Variants in PTPRD observed in about 807,000 individuals in gnomAD.
PTPRD encodes protein tyrosine phosphatase receptor type D, also known as receptor-type tyrosine-protein phosphatase delta.
PTPRD carries 34 observed loss-of-function variants against 214.5 expected under a neutral mutation model. The observed-to-expected ratio is 0.16, with a 90% CI of 0.12 to 0.21. PTPRD has a LOEUF of 0.21. PTPRD is among the 10% of genes least tolerant of loss of function. PTPRD has a pLI of 1.00. For synonymous variants in PTPRD, 1,128 were observed against 845.7 expected, an observed-to-expected ratio of 1.33 and a Z score of -5.79; for missense variants, 2,545 against 2,398.7, an observed-to-expected ratio of 1.06 and a Z score of -1.27.
chr9:10,277,880 C>A (rs1030176433), intron 3 of PTPRD, among the ~76,000 whole-genome samples: 2 of 152,116 alleles, frequency 1.3e-5, no homozygotes, highest in African/African-American at 4.8e-5. Context: ...GCTTTGAGGC[C>A]GGGCTCGGTG....
At position 8,321,477 on chromosome 9, in the gene PTPRD, GTGTGTGTGTGTATATATATATATA is replaced by G. The variant is rs1163537190; in HGVS notation, c.5535-1535_5535-1512del. Among the ~76,000 whole-genome samples the G allele has an allele frequency of 9.3e-3, 703 of 75,382 alleles. 31 individuals carry two copies. Among genetic ancestry groups the G allele is most frequent in the African/African-American group, 0.038 (648 of 17,212 alleles). 49.5% of individuals were successfully genotyped at this position (75,382 alleles called of 152,430 possible). ...AAGTCTTCTTTGTGTGTGTGTGTGT[GTGTGTGTGTGTATATATATATATA>G]TATATATATATATATATATATATAT... is the stretch of plus-strand genomic sequence containing the variant. On this transcript the variant is annotated intron_variant, in intron 44 of 45. Transcript: ENST00000381196.
At chr9:9,618,393 A>G (rs528662714) in intron 7 of PTPRD, among the ~76,000 whole-genome samples, 2 of 152,178 alleles carry the variant, frequency 1.3e-5, no homozygotes, top group South Asian at 4.1e-4. Flanking sequence ...TTAAGAAAAA[A>G]AAAACAATAA....
At chr9:9,434,671 TAGAC>T (rs1459855364) in intron 8 of PTPRD, among the ~76,000 whole-genome samples, 5 of 151,524 alleles carry the variant, frequency 3.3e-5, no homozygotes, top group East Asian at 1.9e-4. Context: ...GGCATAAAAA[TAGAC>T]AGACCAATAG....
At chr9:9,622,623 T>G (rs1335510875) in intron 7 of PTPRD, among the ~76,000 whole-genome samples, 4 of 152,198 alleles carry the variant, frequency 2.6e-5, no homozygotes, top group African/African-American at 9.7e-5. Context: ...ATCATGTAAG[T>G]TCTGATCATT....
At chr9:9,816,180 TC>T (rs1404510183) in intron 5 of PTPRD, among the ~76,000 whole-genome samples, 1 of 152,166 alleles carries the variant, frequency 6.6e-6, no homozygotes, top group Non-Finnish European at 1.5e-5. Flanking sequence ...ATATTTGTTT[TC>T]TTGGCTAGTC....
At chr9:10,151,883 T>A (rs908287128) in intron 3 of PTPRD, among the ~76,000 whole-genome samples, 2 of 152,182 alleles carry the variant, frequency 1.3e-5, no homozygotes, top group Admixed American at 1.3e-4. Flanking sequence ...CTATGTTGTG[T>A]GTATCAATAA....
intron 12 of PTPRD, among the ~76,000 whole-genome samples, chr9:8,662,074 A>G (rs2097068514): frequency 6.6e-6 from 1 of 152,150 alleles, no homozygotes; most frequent in African/African-American, 2.4e-5. Flanking sequence ...ATACCACCAG[A>G]GCCAACTTTT....
At chr9:9,969,282 A>G (rs1451773128) in intron 4 of PTPRD, among the ~76,000 whole-genome samples, 1 of 152,152 alleles carries the variant, frequency 6.6e-6, no homozygotes, top group Non-Finnish European at 1.5e-5. Context: ...TGGGAGATGA[A>G]GCTGAACACT....
intron 11 of PTPRD, among the ~76,000 whole-genome samples, chr9:8,740,365 C>G (rs1387819486): frequency 6.6e-6 from 1 of 152,148 alleles, no homozygotes; most frequent in Non-Finnish European, 1.5e-5. Flanking sequence ...ACATAAAGGA[C>G]AAGCATACTT....
intron 2 of PTPRD, among the ~76,000 whole-genome samples, chr9:10,457,137 A>C (rs1038323009): frequency 6.6e-6 from 1 of 151,904 alleles, no homozygotes; most frequent in Admixed American, 6.6e-5. Context: ...TGACGTGCAC[A>C]TATCTTAAAT....
chr9:8,336,841 A>G (rs1226808196), intron 43 of PTPRD, among the ~76,000 whole-genome samples: 1 of 152,126 alleles, frequency 6.6e-6, no homozygotes, highest in African/African-American at 2.4e-5. Context: ...GCAGACAAAC[A>G]TATGAAAAAA....
chr9:8,827,253 G>T (rs2097194441), intron 11 of PTPRD, among the ~76,000 whole-genome samples: 1 of 152,092 alleles, frequency 6.6e-6, no homozygotes, highest in African/African-American at 2.4e-5. Flanking sequence ...CCCAAACCTA[G>T]GGAAATCTAT....
chr9:8,437,458 G>C (rs1157961760), intron 34 of PTPRD, among the ~76,000 whole-genome samples: 6 of 152,032 alleles, frequency 3.9e-5, no homozygotes, highest in African/African-American at 1.2e-4. Context: ...TGCAAACACA[G>C]ACACAAAGAA....
chr9:10,610,395 T>C (rs2133782811), intron 2 of PTPRD, among the ~76,000 whole-genome samples: 1 of 152,302 alleles, frequency 6.6e-6, no homozygotes, highest in South Asian at 2.1e-4. Context: ...ATCTGTCATG[T>C]CTTCTCTACT....
chr9:8,345,241 T>A (rs1420148375), intron 39 of PTPRD, among the ~76,000 whole-genome samples: 1 of 152,036 alleles, frequency 6.6e-6, no homozygotes, highest in African/African-American at 2.4e-5. Context: ...TAAATGTTGG[T>A]TTCCTTTCCC....
intron 3 of PTPRD, among the ~76,000 whole-genome samples, chr9:10,219,056 A>C (rs1171412758): frequency 1.3e-5 from 2 of 151,888 alleles, no homozygotes; most frequent in East Asian, 3.9e-4. Context: ...ACCCAAATTC[A>C]AAGCTGTGCC....
intron 9 of PTPRD, among the ~76,000 whole-genome samples, chr9:9,268,526 T>C (rs1015853862): frequency 4.0e-5 from 6 of 151,264 alleles, no homozygotes; most frequent in Non-Finnish European, 7.4e-5. Context: ...TTAAAATTCA[T>C]CTGGAATAAC....
At chr9:8,377,853 T>C (rs1361163719) in intron 37 of PTPRD, among the ~76,000 whole-genome samples, 4 of 152,124 alleles carry the variant, frequency 2.6e-5, no homozygotes, top group Non-Finnish European at 5.9e-5. Flanking sequence ...TGAGTATTTG[T>C]AACATTCTGT....
rs58992776 is a variant in PTPRD, at chr9:10,163,814, A to G, written c.-544-130024T>C. On this transcript the variant is annotated intron_variant, in intron 3 of 45. Coordinates refer to ENST00000381196, the MANE Select transcript of PTPRD (RefSeq NM_002839.4). ...TCATGCAGGTTAATGCCAAATATCC[A>G]AGTCATATGTTCAACAATAAGACAA... Among the ~76,000 whole-genome samples the G allele has an allele frequency of 5.3e-3, 809 of 151,676 alleles. 7 individuals carry two copies. Among genetic ancestry groups the G allele is most frequent in the African/African-American group, 0.019 (771 of 41,544 alleles).
Sources: allele counts gnomAD v4.1 joint callset (sites outside exome capture counted in the v4.1 genomes callset), GRCh38; gene constraint gnomAD v4.1.1; transcripts MANE v1.5; gene names NCBI Gene and HGNC (gene_info 2026-07-23, HGNC 2026-07-21).